Variants in NALCN observed in about 807,000 individuals in gnomAD.
NALCN encodes sodium leak channel NALCN.
A neutral mutation model predicts 225.3 loss-of-function variants in NALCN; 111 were observed. The observed-to-expected ratio is 0.49, with a 90% CI of 0.42 to 0.58. NALCN has a LOEUF of 0.58. Among genes scored for constraint, NALCN ranks in the 20% least tolerant of loss-of-function variants. NALCN has a pLI of 0.00. For synonymous variants in NALCN, 764 were observed against 769.0 expected (o/e 0.99, Z 0.11); for missense variants, 1,378 against 2,202.4 (o/e 0.63, Z 7.49).
chr13:101,245,818 C>A (rs1401531665), intron 11 of NALCN, among the ~76,000 whole-genome samples: 1 of 152,140 alleles, frequency 6.6e-6, no homozygotes, highest in South Asian at 2.1e-4. Flanking sequence ...CTTTTCTGTG[C>A]GGCAGATGGA....
intron 16 of NALCN, 21 bp from the exon 17 acceptor site, chr13:101,143,242 T>G: frequency 6.3e-7 from 1 of 1,585,540 alleles, no homozygotes; most frequent in Non-Finnish European, 8.6e-7. Context: ...GAAGTATATG[T>G]GCATCAGGCA....
chr13:101,133,973 T>C (rs575955337), intron 17 of NALCN, among the ~76,000 whole-genome samples: 2 of 152,074 alleles, frequency 1.3e-5, no homozygotes, highest in South Asian at 2.1e-4. Flanking sequence ...ATCGAGACCA[T>C]CCTGGCTAAC....
intron 37 of NALCN, among the ~76,000 whole-genome samples, chr13:101,071,513 C>T (rs554062779): frequency 6.6e-6 from 1 of 152,296 alleles, no homozygotes; most frequent in East Asian, 1.9e-4. Flanking sequence ...ATGAACCAAC[C>T]TTTGCTAGCG....
At chr13:101,279,875 A>ATAAATAAG (rs2043108972) in intron 10 of NALCN, among the ~76,000 whole-genome samples, 1 of 150,552 alleles carries the variant, frequency 6.6e-6, no homozygotes, top group Admixed American at 6.6e-5. Flanking sequence ...AAATAAATAA[A>ATAAATAAG]TAAAAAGAAG....
At chr13:101,377,648 G>C (rs2139423240) in intron 4 of NALCN, among the ~76,000 whole-genome samples, 1 of 152,262 alleles carries the variant, frequency 6.6e-6, no homozygotes, top group African/African-American at 2.4e-5. Context: ...CAAACACTAT[G>C]ATGAGTTGGC....
intron 10 of NALCN, among the ~76,000 whole-genome samples, chr13:101,259,458 C>T (rs1387323605): frequency 6.6e-6 from 1 of 151,686 alleles, no homozygotes; most frequent in Admixed American, 6.6e-5. Flanking sequence ...TTCAGCCTCC[C>T]GAGTAGCTGG....
At chr13:101,393,324 TG>T (rs1280890390) in intron 3 of NALCN, among the ~76,000 whole-genome samples, 16 of 152,232 alleles carry the variant, frequency 1.1e-4, no homozygotes, top group Non-Finnish European at 1.9e-4. Flanking sequence ...GAGGTGACCA[TG>T]TGGGAAAGAA....
intron 7 of NALCN, among the ~76,000 whole-genome samples, chr13:101,341,241 CAAG>C (rs770615234): frequency 2.6e-5 from 4 of 152,122 alleles, no homozygotes; most frequent in Non-Finnish European, 5.9e-5. Context: ...TGAATGTTTT[CAAG>C]AAGATTTCAT....
chr13:101,103,189 A>G lies in NALCN; in HGVS notation c.3040T>C (p.Phe1014Leu). Residue 1014 changes from phenylalanine to leucine, a missense_variant, in exon 26 of 44, where the codon TTC becomes CTC. Phe to Leu is a conservative substitution (Grantham distance 22). Around this residue, in one of 19 missense-constraint regions of NALCN, gnomAD observed 292 missense variants for 409.5 expected, o/e 0.71. Transcript: ENST00000251127. ...RKVVRELFSG[F>L]KEIFLVSILL... The stretch of plus-strand genomic sequence containing the variant: ...TCACATACCAAAAAAATTTCCTTGA[A>G]GCCGCTGAAAAGTTCTCGAACAACT... 1 of 1,612,992 alleles carries G rather than the reference A, an allele frequency of 6.2e-7. No homozygotes were observed.
At chr13:101,214,189 G>C (rs907736024) in intron 13 of NALCN, among the ~76,000 whole-genome samples, 1 of 151,680 alleles carries the variant, frequency 6.6e-6, no homozygotes, top group Non-Finnish European at 1.5e-5. Flanking sequence ...GCAAACTATC[G>C]CAAGGACAGA....
At chr13:101,259,090 G>C (rs2042332823) in intron 10 of NALCN, among the ~76,000 whole-genome samples, 1 of 152,022 alleles carries the variant, frequency 6.6e-6, no homozygotes, top group Admixed American at 6.6e-5. Context: ...TCTAGTAAGT[G>C]ACATGTACAT....
At chr13:101,261,518 G>A (rs996659602) in intron 10 of NALCN, among the ~76,000 whole-genome samples, 7 of 151,852 alleles carry the variant, frequency 4.6e-5, no homozygotes, top group African/African-American at 1.7e-4. Flanking sequence ...TGTCCTCTTC[G>A]ATTTCTTTCA....
intron 2 of NALCN, 32 bp downstream of exon 2, chr13:101,398,987 T>A (rs371601323): frequency 1.6e-4 from 212 of 1,325,008 alleles, no homozygotes; most frequent in Non-Finnish European, 2.1e-4. Flanking sequence ...CACATCCACA[T>A]ATGCTTCTCC....
At chr13:101,146,026 G>A (rs2037329709) in intron 15 of NALCN, among the ~76,000 whole-genome samples, 1 of 152,158 alleles carries the variant, frequency 6.6e-6, no homozygotes, top group African/African-American at 2.4e-5. Context: ...CCTATATGTG[G>A]AAATACAAAT....
At chr13:101,140,449 C>G (rs2037018906) in intron 17 of NALCN, among the ~76,000 whole-genome samples, 1 of 152,112 alleles carries the variant, frequency 6.6e-6, no homozygotes, top group African/African-American at 2.4e-5. Flanking sequence ...GGTAGTGTTA[C>G]CAGTGATTTT....
rs531650377 is a variant in NALCN, at chr13:101,166,514, T to A, written c.1839+9786A>T. Among the ~76,000 whole-genome samples the A allele has an allele frequency of 3.3e-5, 5 of 152,300 alleles. 1 individual carries two copies. The South Asian group carries it at 1.0e-3, about 32-fold the overall frequency. The stretch of plus-strand genomic sequence containing the variant: ...TGATGTTGAACATCTTTTCATCTAC[T>A]TGGCCATTTGTATACCTTTTTTAGA... On this transcript the variant is annotated intron_variant, in intron 15 of 43. Transcript: ENST00000251127.
In NALCN at chr13:101,104,730, G is replaced by T; in HGVS notation, c.2637-80C>A. On this transcript the variant is annotated intron_variant, in intron 23 of 43. Transcript: ENST00000251127. This position sits in a 1 kb window ranked among gnomAD's most constrained non-coding sequence, Gnocchi z 4.2. ...AGAGTTAGAGATGATGGCTTCTGTG[G>T]CTCTATCAACATGACTGGTATTTTA... 15 of 1,588,722 alleles carry T rather than the reference G, an allele frequency of 9.4e-6. No homozygotes were observed. Among genetic ancestry groups the T allele is most frequent in the Non-Finnish European group, 1.3e-5 (15 of 1,162,700 alleles).
chr13:101,060,275 GT>G (rs771531599), intron 41 of NALCN, among the ~76,000 whole-genome samples: 1,315 of 79,812 alleles, frequency 0.016, 36 homozygotes, highest in African/African-American at 0.061. Flanking sequence ...GGTGTTTTCT[GT>G]TTTTTTTTTT....
intron 14 of NALCN, chr13:101,180,771 CTG>C (rs1181906298): frequency 3.4e-6 from 1 of 298,438 alleles, no homozygotes; most frequent in East Asian, 7.9e-5. Context: ...CAAAACACAC[CTG>C]TGTGGGTACC....
Sources: gnomAD v4.1 joint callset for allele counts (sites outside exome capture counted in the v4.1 genomes callset) on GRCh38, gnomAD v4.1.1 for gene constraint, gnomAD v4.1.1 regional missense constraint, Gnocchi (gnomAD v3.1) non-coding constraint, MANE v1.5 for transcripts, NCBI Gene and HGNC (gene_info 2026-07-23, HGNC 2026-07-21) for gene names.